The following WWC2 variants were observed in gnomAD, a reference collection of about 807,000 sequenced individuals.
WWC2 encodes the protein protein WWC2.
In WWC2, 101 loss-of-function variants were observed where a neutral mutation model predicts 138.5. The ratio of observed to expected loss-of-function variants is 0.73; its 90% confidence interval spans 0.62 to 0.86. The LOEUF (loss-of-function observed/expected upper bound fraction) is 0.86. WWC2 is among the 40% of genes least tolerant of loss of function. The probability of loss-of-function intolerance (pLI) is 0.00; values close to 1 mark genes in which losing one functional copy is unlikely to be tolerated. For missense variants in WWC2, 1,420 were observed against 1,419.4 expected (o/e 1.00, Z -0.01); for synonymous variants, 558 against 538.4 (o/e 1.04, Z -0.50).
intron 1 of WWC2, among the ~76,000 whole-genome samples, chr4:183,171,416 G>A (rs1261668340): frequency 6.6e-6 from 1 of 152,042 alleles, no homozygotes; most frequent in Non-Finnish European, 1.5e-5. Context: ...GTGTATATTG[G>A]TAATATCTTC....
At position 183,127,951 on chromosome 4, in the gene WWC2, G is replaced by A. The variant is rs553066110; in HGVS notation, c.131+28329G>A. On this transcript the variant is annotated intron_variant, in intron 1 of 22. Transcript: ENST00000403733. Reference sequence around the variant, plus strand: ...GAACAATCCAATCTAATAAAGAAATGTACATTATAATTATACTAAGTGAAA... The same window carrying A: ...GAACAATCCAATCTAATAAAGAAATATACATTATAATTATACTAAGTGAAA... 2.8e-4 allele frequency among the ~76,000 whole-genome samples: 43 copies of A among 151,010 alleles called. No individual in the cohort carries two copies. In the South Asian group the frequency reaches 4.2e-3, roughly 15 times the overall value.
chr4:183,223,971 T>TC lies in WWC2; in HGVS notation c.522+14953dup, dbSNP rs200566265. 3.7e-3 allele frequency among the ~76,000 whole-genome samples: 561 copies of TC among 152,076 alleles called. 1 individual carries two copies. Among genetic ancestry groups the TC allele is most frequent in the Non-Finnish European group, 6.5e-3 (440 of 67,966 alleles). On this transcript the variant is annotated intron_variant, in intron 4 of 22. Transcript: ENST00000403733. ...GTCTCGAACTCCTGACCTCAGGCTATCCCCCCCACCTCGGCCTCCCAAAGT... is the reference window on the plus strand; with the variant it reads ...GTCTCGAACTCCTGACCTCAGGCTATCCCCCCCCACCTCGGCCTCCCAAAGT...
intron 1 of WWC2, among the ~76,000 whole-genome samples, chr4:183,133,725 C>A (rs966004692): frequency 6.6e-6 from 1 of 152,074 alleles, no homozygotes; most frequent in Non-Finnish European, 1.5e-5. Context: ...TTGAACTCCT[C>A]ACCTCGTGAT....
chr4:183,193,921 C>G (rs1375925986), intron 2 of WWC2, among the ~76,000 whole-genome samples: 1 of 152,102 alleles, frequency 6.6e-6, no homozygotes, highest in Non-Finnish European at 1.5e-5. Context: ...GTATCTGGCC[C>G]GTGTGCCTGC....
chr4:183,250,559 G>A (rs920904167), intron 8 of WWC2, among the ~76,000 whole-genome samples: 7 of 151,808 alleles, frequency 4.6e-5, no homozygotes, highest in Non-Finnish European at 1.0e-4. Context: ...TACTTACTTT[G>A]TGATTCTGCT....
intron 21 of WWC2, among the ~76,000 whole-genome samples, chr4:183,310,079 CAG>C (rs1229432149): frequency 6.6e-6 from 1 of 152,124 alleles, no homozygotes; most frequent in Admixed American, 6.5e-5. Context: ...AGGCAGAGCA[CAG>C]GGGAATTTTA....
chr4:183,114,688 GTT>G (rs1732356298), intron 1 of WWC2, among the ~76,000 whole-genome samples: 1 of 149,802 alleles, frequency 6.7e-6, no homozygotes, highest in Admixed American at 6.7e-5. Flanking sequence ...TTCTTCCAAC[GTT>G]TATTTCAGGT....
intron 17 of WWC2, 35 bp from the exon 18 acceptor site, chr4:183,282,673 C>T: frequency 6.5e-7 from 1 of 1,548,942 alleles, no homozygotes; most frequent in East Asian, 2.4e-5. Flanking sequence ...AGCATGCCTG[C>T]CTACCAAAAG....
chr4:183,229,393 G>T (rs1479842203), intron 4 of WWC2, among the ~76,000 whole-genome samples: 1 of 152,078 alleles, frequency 6.6e-6, no homozygotes, highest in Non-Finnish European at 1.5e-5. Context: ...AACCCTGGTG[G>T]TTTGAACATG....
intron 1 of WWC2, among the ~76,000 whole-genome samples, chr4:183,112,405 A>G (rs1262202517): frequency 6.6e-6 from 1 of 152,238 alleles, no homozygotes; most frequent in Non-Finnish European, 1.5e-5. Context: ...CCACAGGGAC[A>G]CTTAACACGG....
chr4:183,188,643 CTTT>C (rs11341026), intron 1 of WWC2, among the ~76,000 whole-genome samples: 7 of 79,752 alleles, frequency 8.8e-5, no homozygotes, highest in African/African-American at 1.8e-4. Flanking sequence ...TTGCTCCTTT[CTTT>C]TTTTTTTTTT....
intron 20 of WWC2, among the ~76,000 whole-genome samples, chr4:183,287,746 G>A (rs1738305279): frequency 6.6e-6 from 1 of 152,210 alleles, no homozygotes; most frequent in Admixed American, 6.5e-5. Flanking sequence ...AAGTGTGTGA[G>A]TGATGAGGTT....
rs544004330 is a variant in WWC2, at chr4:183,171,738, A to G, written c.132-21861A>G. ...ATTCACTGTCTCTACAGTCGACCACATTTACATATTTAAAAGTTTCTTTTG... is the reference window on the plus strand; with the variant it reads ...ATTCACTGTCTCTACAGTCGACCACGTTTACATATTTAAAAGTTTCTTTTG... On this transcript the variant is annotated intron_variant, in intron 1 of 22. Transcript: ENST00000403733. Among the ~76,000 whole-genome samples, 11 of 152,308 alleles carry G rather than the reference A, an allele frequency of 7.2e-5. No individual in the cohort carries two copies. The East Asian group carries it at 1.7e-3, about 24-fold the overall frequency.
At chr4:183,168,044 G>A (rs1427218671) in intron 1 of WWC2, among the ~76,000 whole-genome samples, 1 of 151,892 alleles carries the variant, frequency 6.6e-6, no homozygotes, top group East Asian at 1.9e-4. Context: ...TTTTAGTAGA[G>A]ACAGGGTTTC....
intron 1 of WWC2, among the ~76,000 whole-genome samples, chr4:183,175,150 T>A (rs1580012773): frequency 6.6e-6 from 1 of 152,238 alleles, no homozygotes; most frequent in Non-Finnish European, 1.5e-5. Context: ...TTATCATACC[T>A]ATGGAAAATT....
Position 183,319,908 on chromosome 4 carries a change from C to G in WWC2, c.*4179C>G. The G allele has an allele frequency of 6.2e-7, 1 of 1,613,894 alleles. No homozygotes were observed. The highest frequency in any genetic ancestry group is 8.5e-7 in the Non-Finnish European group (1 of 1,179,862). On this transcript the variant is annotated 3_prime_UTR_variant, in exon 23 of 23. Coordinates refer to ENST00000403733, the MANE Select transcript of WWC2 (RefSeq NM_024949.6). ...TCTCTGACTCTCTCCAATTCTCAAA[C>G]AGTCCAGGCCAAACCCAGAGACCAG...
chr4:183,148,452 A>T (rs1733536598), intron 1 of WWC2, among the ~76,000 whole-genome samples: 1 of 152,180 alleles, frequency 6.6e-6, no homozygotes, highest in South Asian at 2.1e-4. Flanking sequence ...GAACATTGAT[A>T]TCCATCTCTG....
chr4:183,143,661 A>G (rs1421281295), intron 1 of WWC2, among the ~76,000 whole-genome samples: 1 of 151,596 alleles, frequency 6.6e-6, no homozygotes, highest in African/African-American at 2.4e-5. Flanking sequence ...GCAAAAATTT[A>G]GCTGGGCATG....
At position 183,316,845 on chromosome 4, in the gene WWC2, T is replaced by G. The variant is rs1047606370; in HGVS notation, c.*1116T>G. On this transcript the variant is annotated 3_prime_UTR_variant, in exon 23 of 23. Transcript: ENST00000403733. ...TGGGAGGCAAAGGGAAGAATGTGTGTGGGGGGATTATTAATTTGAAGTATA... is the reference window on the plus strand; with the variant it reads ...TGGGAGGCAAAGGGAAGAATGTGTGGGGGGGGATTATTAATTTGAAGTATA... 8 of 152,144 alleles carry G rather than the reference T, an allele frequency of 5.3e-5. No homozygotes were observed. Among genetic ancestry groups the G allele is most frequent in the South Asian group, 2.1e-4 (1 of 4,816 alleles). 9.4% of individuals were successfully genotyped at this position (152,144 alleles called of 1,614,324 possible). A position where few individuals can be genotyped will look rare whatever the true frequency, so the allele number is the denominator to read the frequency against.
Sources: gnomAD v4.1 joint callset for allele counts (sites outside exome capture counted in the v4.1 genomes callset) on GRCh38, gnomAD v4.1.1 for gene constraint, MANE v1.5 for transcripts, NCBI Gene and HGNC (gene_info 2026-07-23, HGNC 2026-07-21) for gene names.